The following CFAP74 variants were observed in gnomAD, a reference collection of about 807,000 sequenced individuals.
CFAP74 encodes cilia and flagella associated protein 74.
A neutral mutation model predicts 188.9 loss-of-function variants in CFAP74; 124 were observed. The observed-to-expected ratio is 0.66, with a 90% CI of 0.57 to 0.76. CFAP74 has a LOEUF of 0.76. Ranked by LOEUF, CFAP74 falls within the 30% of genes least tolerant of loss-of-function variation. CFAP74 has a pLI of 0.00. For synonymous variants in CFAP74, 956 were observed against 916.7 expected, an observed-to-expected ratio of 1.04 and a Z score of -0.77; for missense variants, 2,198 against 2,165.2, an observed-to-expected ratio of 1.02 and a Z score of -0.30.
intron 1 of CFAP74, among the ~76,000 whole-genome samples, chr1:2,002,769 T>C (rs1658269187): frequency 6.7e-6 from 1 of 150,118 alleles, no homozygotes; most frequent in African/African-American, 2.4e-5. Flanking sequence ...ATATAGTCTA[T>C]ATATTTATAT....
rs1057100916 is a variant in CFAP74, at chr1:1,946,553, C to A, written c.2242-114G>T. Reference sequence around the variant, plus strand: ...GATGGAAGGTGGCAGGACCCGTGTCCCTGGGTGGCCACTTGGCCACAGATG... The same window carrying A: ...GATGGAAGGTGGCAGGACCCGTGTCACTGGGTGGCCACTTGGCCACAGATG... On this transcript the variant is annotated intron_variant, in intron 19 of 38. Transcript: ENST00000682832. 3.0e-6 allele frequency: 4 copies of A among 1,331,866 alleles called. No homozygotes were observed. The African/African-American group carries it at 5.9e-5, about 20-fold the overall frequency. 82.5% of individuals were successfully genotyped at this position (1,331,866 alleles called of 1,614,324 possible). A position where few individuals can be genotyped will look rare whatever the true frequency, so the allele number is the denominator to read the frequency against.
intron 20 of CFAP74, among the ~76,000 whole-genome samples, 153 bp downstream of exon 20, chr1:1,946,164 G>A (rs1322974210): frequency 3.3e-5 from 5 of 152,266 alleles, no homozygotes; most frequent in Non-Finnish European, 2.9e-5. Flanking sequence ...GTGTGCGTGC[G>A]TGTGTTGTAA....
chr1:1,987,303 C>G (rs1159625529), intron 4 of CFAP74, among the ~76,000 whole-genome samples: 2 of 152,188 alleles, frequency 1.3e-5, no homozygotes, highest in African/African-American at 4.8e-5. Context: ...CGGGAGGGAA[C>G]CTGGGTCTGC....
chr1:1,947,242 G>A (rs1040107818), intron 18 of CFAP74, among the ~76,000 whole-genome samples, 188 bp from the exon 19 acceptor site: 3 of 152,356 alleles, frequency 2.0e-5, no homozygotes, highest in Admixed American at 6.5e-5. Flanking sequence ...AGTCCCCACC[G>A]TGCCCGGAGG....
In CFAP74 at chr1:1,996,631, G is replaced by A. The variant is rs1657926709; in HGVS notation, c.-19-5656C>T. The stretch of plus-strand genomic sequence containing the variant: ...GGCAGTAACAGAAAGAAGGTCTCCT[G>A]AAATACTGGCCGGGTGCGGGCGCTC... On this transcript the variant is annotated intron_variant, in intron 1 of 38. Coordinates refer to ENST00000682832, the MANE Select transcript of CFAP74 (RefSeq NM_001304360.2). Among the ~76,000 whole-genome samples the A allele has an allele frequency of 2.0e-5, 3 of 152,150 alleles. No homozygotes were observed. In the South Asian group the frequency reaches 6.2e-4, roughly 32 times the overall value.
At chr1:1,966,564 A>T in intron 11 of CFAP74, 38 bp from the exon 12 acceptor site, 1 of 1,468,728 alleles carries the variant, frequency 6.8e-7, no homozygotes, top group South Asian at 1.4e-5. Context: ...AGACACGCTC[A>T]TGACAGAGAA....
chr1:1,992,849 C>G (rs144964407), intron 1 of CFAP74, among the ~76,000 whole-genome samples: 1 of 152,064 alleles, frequency 6.6e-6, no homozygotes, highest in Non-Finnish European at 1.5e-5. Context: ...GGAGCTTGCT[C>G]GTGTGGAACT....
intron 9 of CFAP74, among the ~76,000 whole-genome samples, chr1:1,971,542 C>G (rs995493532): frequency 1.3e-5 from 2 of 152,284 alleles, no homozygotes; most frequent in African/African-American, 4.8e-5. Context: ...CCGCACATCC[C>G]AAGCGTGGGG....
chr1:1,985,513 C>A, intron 5 of CFAP74, 23 bp from the exon 6 acceptor site: 1 of 1,594,874 alleles, frequency 6.3e-7, no homozygotes, highest in Non-Finnish European at 8.6e-7. Context: ...ACGGACAGGC[C>A]GGGCGTGTGT....
At chr1:1,927,180 C>T in intron 28 of CFAP74, 152 bp from the exon 29 acceptor site, 1 of 828,310 alleles carries the variant, frequency 1.2e-6, no homozygotes, top group Non-Finnish European at 1.8e-6. Flanking sequence ...CTTTTCCACC[C>T]TTCTCTGGCT....
intron 1 of CFAP74, among the ~76,000 whole-genome samples, chr1:1,998,872 GTCTC>G (rs1557428660): frequency 1.3e-5 from 2 of 151,878 alleles, no homozygotes; most frequent in Non-Finnish European, 2.9e-5. Flanking sequence ...GTGAGACTCC[GTCTC>G]GAAAAAAGTA....
At position 1,926,815 on chromosome 1, in the gene CFAP74, G is replaced by C; in HGVS notation, c.3663-54C>G. The C allele has an allele frequency of 1.9e-6, 3 of 1,548,302 alleles. No individual in the cohort carries two copies. The South Asian group carries it at 3.6e-5, about 18-fold the overall frequency. On this transcript the variant is annotated intron_variant, in intron 29 of 38. Transcript: ENST00000682832. ...GGGTGGGCGGCCCCCTGCCCGCCCA[G>C]GCCCCAGAGTTGGGCAGTAGCAGAG...
At chr1:1,991,796 T>C (rs1053486365) in intron 1 of CFAP74, among the ~76,000 whole-genome samples, 22 of 152,090 alleles carry the variant, frequency 1.4e-4, no homozygotes, top group Non-Finnish European at 2.4e-4. Context: ...TCCCAGCACT[T>C]TGGGAGGCCA....
At chr1:1,925,239 G>A (rs1279509022) in intron 33 of CFAP74, among the ~76,000 whole-genome samples, 2 of 146,740 alleles carry the variant, frequency 1.4e-5, no homozygotes, top group Non-Finnish European at 3.0e-5. Flanking sequence ...CTGGTGTGAA[G>A]GCATGAGGGC....
chr1:1,925,518 G>A (rs1651814026), intron 33 of CFAP74, among the ~76,000 whole-genome samples: 3 of 152,176 alleles, frequency 2.0e-5, no homozygotes, highest in Admixed American at 2.0e-4. Context: ...CAGGGGCTGA[G>A]GAGGAGGGAC....
chr1:2,001,929 G>A (rs935571571), intron 1 of CFAP74, among the ~76,000 whole-genome samples: 2 of 152,232 alleles, frequency 1.3e-5, no homozygotes, highest in African/African-American at 4.8e-5. Context: ...CAAGGCCAAG[G>A]AATGTTCTGG....
At position 1,947,928 on chromosome 1, in the gene CFAP74, A is replaced by G. The variant is rs375386838; in HGVS notation, c.2177-874T>C. Among the ~76,000 whole-genome samples the G allele has an allele frequency of 3.3e-5, 5 of 152,018 alleles. No homozygotes were observed. The South Asian group carries it at 8.3e-4, about 25-fold the overall frequency. On this transcript the variant is annotated intron_variant, in intron 18 of 38. Coordinates refer to ENST00000682832, the MANE Select transcript of CFAP74 (RefSeq NM_001304360.2). The stretch of plus-strand genomic sequence containing the variant: ...CGGTCTGTCATCCAGGCTGGAGTAC[A>G]ATGGTGTGATCTTGACTCACTGCAA...
intron 18 of CFAP74, among the ~76,000 whole-genome samples, chr1:1,951,216 A>G (rs560538088): frequency 1.3e-5 from 2 of 152,300 alleles, no homozygotes; most frequent in South Asian, 4.1e-4. Context: ...TGTTTATAAC[A>G]TCATCAGATC....
chr1:1,933,185 CTTT>C, intron 25 of CFAP74, among the ~76,000 whole-genome samples: 1 of 133,204 alleles, frequency 7.5e-6, no homozygotes, highest in Admixed American at 7.6e-5. Flanking sequence ...CGTGCCTGAC[CTTT>C]TTTTTTTTTT....
Sources: gnomAD v4.1 joint callset for allele counts (sites outside exome capture counted in the v4.1 genomes callset) on GRCh38, gnomAD v4.1.1 for gene constraint, MANE v1.5 for transcripts, NCBI Gene and HGNC (gene_info 2026-07-23, HGNC 2026-07-21) for gene names.